TSPAN19: variants seen among roughly 807,000 people sequenced by gnomAD.
TSPAN19 encodes tetraspanin 19.
TSPAN19 carries 44 observed loss-of-function variants against 35.1 expected under a neutral mutation model. The observed-to-expected ratio is 1.25, with a 90% confidence interval of 0.98 to 1.61. The LOEUF is 1.61. TSPAN19 is among the 40% of genes most tolerant of loss of function. The pLI is 0.00. For synonymous variants in TSPAN19, 79 were observed against 92.0 expected (o/e 0.86, Z 0.81); for missense variants, 290 against 280.0 (o/e 1.04, Z -0.26).
intron 3 of TSPAN19, 147 bp from the exon 4 acceptor site, chr12:85,028,170 G>T: frequency 1.7e-6 from 1 of 592,750 alleles, no homozygotes; most frequent in African/African-American, 2.0e-5. Flanking sequence ...GTCTCTCTCT[G>T]TCTCTCAATT....
At chr12:85,032,473 A>G (rs1178698753) in intron 1 of TSPAN19, among the ~76,000 whole-genome samples, 1 of 152,160 alleles carries the variant, frequency 6.6e-6, no homozygotes, top group Admixed American at 6.6e-5. Context: ...TAGAAGTCAA[A>G]AGGGGTGAGA....
At chr12:85,032,000 G>C (rs1877707924) in intron 1 of TSPAN19, among the ~76,000 whole-genome samples, 3 of 152,074 alleles carry the variant, frequency 2.0e-5, no homozygotes, top group Admixed American at 6.6e-5. Flanking sequence ...ATGCTTTACT[G>C]TGGAAAAGAA....
intron 8 of TSPAN19, chr12:85,014,892 T>C (rs1338012781): frequency 5.8e-6 from 1 of 173,708 alleles, no homozygotes; most frequent in Non-Finnish European, 1.2e-5. Context: ...ACTATGTCAT[T>C]AAATGTACAA....
intron 4 of TSPAN19, 118 bp downstream of exon 4, chr12:85,027,781 T>C: frequency 2.0e-6 from 2 of 1,006,510 alleles, no homozygotes; most frequent in East Asian, 3.1e-5. Context: ...TCATTTGAAT[T>C]ACTCTAAGGA....
intron 1 of TSPAN19, chr12:85,035,201 T>C (rs1245095211): frequency 6.6e-6 from 1 of 152,034 alleles, no homozygotes. Flanking sequence ...GAGGCTACAG[T>C]GAGCAATAAT....
intron 3 of TSPAN19, 70 bp from the exon 4 acceptor site, chr12:85,028,093 A>C: frequency 7.8e-7 from 1 of 1,274,002 alleles, no homozygotes; most frequent in Non-Finnish European, 1.1e-6. Flanking sequence ...TTTATTTTCT[A>C]TTTAAGAATA....
In TSPAN19 at chr12:85,015,046, A is replaced by G. The variant is rs11116686; in HGVS notation, c.679-491T>C. On this transcript the variant is annotated intron_variant, in intron 8 of 8. Coordinates refer to ENST00000532498, the MANE Select transcript of TSPAN19 (RefSeq NM_001100917.2). ...AGAATAAACATTTAAAAACAATGAT[A>G]TTAATGTGTATAAAGAATGTCTTGG... The G allele has an allele frequency of 0.017, 2,610 of 152,184 alleles. 168 individuals carry two copies. The East Asian group carries it at 0.21, about 12-fold the overall frequency. The allele number at this position is 152,184 out of a possible 1,614,324, so 9.4% of individuals were successfully genotyped here.
At chr12:85,023,970 TA>T (rs1330534654) in intron 4 of TSPAN19, among the ~76,000 whole-genome samples, 2 of 151,564 alleles carry the variant, frequency 1.3e-5, no homozygotes, top group Non-Finnish European at 1.5e-5. Context: ...GTTGTCCACC[TA>T]AAAAAAAGGC....
At chr12:85,024,054 T>C (rs986684043) in intron 4 of TSPAN19, among the ~76,000 whole-genome samples, 2 of 152,192 alleles carry the variant, frequency 1.3e-5, no homozygotes, top group Non-Finnish European at 2.9e-5. Context: ...CCAGATTGCA[T>C]GAAATGGTAA....
intron 4 of TSPAN19, among the ~76,000 whole-genome samples, chr12:85,025,405 G>T (rs1877352223): frequency 6.6e-6 from 1 of 152,116 alleles, no homozygotes; most frequent in Non-Finnish European, 1.5e-5. Context: ...CTCCCAAATG[G>T]TTGGGATTAC....
rs1477919039 is a variant in TSPAN19, at chr12:85,017,769, T to C, written c.451-170A>G. Among the ~76,000 whole-genome samples the C allele has an allele frequency of 3.3e-5, 5 of 152,046 alleles. No individual in the cohort carries two copies. In the East Asian group the frequency reaches 9.7e-4, roughly 29 times the overall value. ...GTGCTTGTTTAATTCATTACTTTGTTTCTGCTATTATTGTTGTCAGCCATA... is the reference window on the plus strand; with the variant it reads ...GTGCTTGTTTAATTCATTACTTTGTCTCTGCTATTATTGTTGTCAGCCATA... On this transcript the variant is annotated intron_variant, in intron 6 of 8. Coordinates refer to ENST00000532498, the MANE Select transcript of TSPAN19 (RefSeq NM_001100917.2).
At chr12:85,016,700 G>T (rs907039114) in intron 7 of TSPAN19, 4 of 151,864 alleles carry the variant, frequency 2.6e-5, no homozygotes, top group African/African-American at 9.7e-5. Context: ...GAAAACTTAT[G>T]AATTGTTTAT....
Position 85,017,485 on chromosome 12 carries a change from C to A in TSPAN19, c.565G>T (p.Asp189Tyr). Residue 189 changes from aspartate to tyrosine, a missense_variant, in exon 7 of 9, where the codon GAT becomes TAT. Coordinates refer to ENST00000532498, the MANE Select transcript of TSPAN19 (RefSeq NM_001100917.2). ...TKSTLRKWFC[D>Y]EPLNATYLEG... ...AGGTAAGTTGCATTCAGTGGCTCAT[C>A]ACAAAACCATTTTCTTAAAGTTGAC... The A allele has an allele frequency of 6.2e-7, 1 of 1,609,090 alleles. No individual in the cohort carries two copies. The highest frequency in any genetic ancestry group is 8.5e-7 in the Non-Finnish European group (1 of 1,177,360).
At chr12:85,015,067 C>A (rs1876718172) in intron 8 of TSPAN19, 1 of 151,944 alleles carries the variant, frequency 6.6e-6, no homozygotes, top group Non-Finnish European at 1.5e-5. Flanking sequence ...TAAAGAATGT[C>A]TTGGTTTACT....
chr12:85,017,615 T>C lies in TSPAN19; in HGVS notation c.451-16A>G, dbSNP rs1317863766. The C allele has an allele frequency of 3.3e-6, 5 of 1,525,932 alleles. No homozygotes were observed. The Admixed American group carries it at 9.1e-5, about 28-fold the overall frequency. The allele number at this position is 1,525,932 out of a possible 1,614,324, so 94.5% of individuals were successfully genotyped here. ...AACACTGTAACTAGGAAAAAGCTTA[T>C]ATGAATTTTACCATAAAATGTTCAA... On this transcript the variant is annotated splice_polypyrimidine_tract_variant and intron_variant, in intron 6 of 8. Coordinates refer to ENST00000532498, the MANE Select transcript of TSPAN19 (RefSeq NM_001100917.2).
At chr12:85,015,588 A>G (rs1876750141) in intron 8 of TSPAN19, 1 of 193,560 alleles carries the variant, frequency 5.2e-6, no homozygotes, top group South Asian at 1.7e-4. Flanking sequence ...ACACACACGT[A>G]AATATATCTA....
chr12:85,029,642 G>C, intron 3 of TSPAN19, 77 bp downstream of exon 3: 2 of 1,110,978 alleles, frequency 1.8e-6, no homozygotes, highest in Non-Finnish European at 2.6e-6. Flanking sequence ...ACTGCCACCT[G>C]CTGAATAAAT....
chr12:85,029,711 A>G lies in TSPAN19; in HGVS notation c.139+8T>C. ...TTCACTGAGAGAAAAACAAAAATAGATACATACCAAAAGCTGTTAAAAAAT... is the reference window on the plus strand; with the variant it reads ...TTCACTGAGAGAAAAACAAAAATAGGTACATACCAAAAGCTGTTAAAAAAT... On this transcript the variant is annotated splice_region_variant and intron_variant, in intron 3 of 8. Coordinates refer to ENST00000532498, the MANE Select transcript of TSPAN19 (RefSeq NM_001100917.2). 6.5e-7 allele frequency: 1 copy of G among 1,530,336 alleles called. No individual in the cohort carries two copies. Among genetic ancestry groups the G allele is most frequent in the East Asian group, 2.5e-5 (1 of 40,606 alleles). The allele number at this position is 1,530,336 out of a possible 1,614,324, so 94.8% of individuals were successfully genotyped here. A position where few individuals can be genotyped will look rare whatever the true frequency, so the allele number is the denominator to read the frequency against.
At chr12:85,034,019 G>A (rs117764997) in intron 1 of TSPAN19, among the ~76,000 whole-genome samples, 2,782 of 152,192 alleles carry the variant, frequency 0.018, 36 homozygotes, top group Non-Finnish European at 0.03. Flanking sequence ...CTGTGGGAAA[G>A]TCATAAATTC....
Sources: gnomAD v4.1 joint callset for allele counts (sites outside exome capture counted in the v4.1 genomes callset) on GRCh38, gnomAD v4.1.1 for gene constraint, MANE v1.5 for transcripts, NCBI Gene and HGNC (gene_info 2026-07-23, HGNC 2026-07-21) for gene names.